ASH1L: variants seen among roughly 807,000 people sequenced by gnomAD.
ASH1L encodes the protein histone-lysine N-methyltransferase ASH1L.
In ASH1L, 23 loss-of-function variants were observed where a neutral mutation model predicts 269.0. The ratio of observed to expected loss-of-function variants is 0.09; its 90% CI spans 0.06 to 0.12. The LOEUF is 0.12. Among genes scored for constraint, ASH1L ranks in the 10% least tolerant of loss-of-function variants. The probability of loss-of-function intolerance (pLI) is 1.00; values close to 1 mark genes in which losing one functional copy is unlikely to be tolerated. For synonymous variants in ASH1L, 1,187 were observed against 1,253.5 expected, an observed-to-expected ratio of 0.95 and a Z score of 1.12; for missense variants, 2,912 against 3,567.8, an observed-to-expected ratio of 0.82 and a Z score of 4.68.
chr1:155,344,179 A>G lies in ASH1L; in HGVS notation c.7981+4T>C, dbSNP rs772416513. On this transcript the variant is annotated splice_donor_region_variant and intron_variant, in intron 22 of 27. Coordinates refer to ENST00000392403, the MANE Select transcript of ASH1L (RefSeq NM_018489.3). ...ACAAGTAGGATTAGCTCCTGTATAC[A>G]TACCCTGACGAAGCAGCAAGTCATC... 2 of 1,613,878 alleles carry G rather than the reference A, an allele frequency of 1.2e-6. No homozygotes were observed. Among genetic ancestry groups the G allele is most frequent in the Admixed American group, 1.7e-5 (1 of 60,016 alleles).
chr1:155,410,964 T>C (rs910396850), intron 6 of ASH1L, among the ~76,000 whole-genome samples: 13 of 152,230 alleles, frequency 8.5e-5, no homozygotes, highest in African/African-American at 4.8e-5. Context: ...AGTATACATT[T>C]GTCAAAACCC....
At chr1:155,546,577 G>A (rs1340377502) in intron 1 of ASH1L, among the ~76,000 whole-genome samples, 1 of 151,944 alleles carries the variant, frequency 6.6e-6, no homozygotes, top group South Asian at 2.1e-4. Flanking sequence ...TGGCCAACAC[G>A]GTGAAACCAG....
intron 5 of ASH1L, among the ~76,000 whole-genome samples, chr1:155,421,067 T>C (rs994888862): frequency 6.6e-6 from 1 of 150,986 alleles, no homozygotes; most frequent in South Asian, 2.1e-4. Context: ...TCAGACCCCA[T>C]CTTTGCAAAA....
chr1:155,523,658 G>A (rs1669038733), intron 1 of ASH1L, among the ~76,000 whole-genome samples: 1 of 152,154 alleles, frequency 6.6e-6, no homozygotes. Context: ...CATCACTTGA[G>A]GTCACCAGTT....
intron 4 of ASH1L, chr1:155,440,495 ATACT>A: frequency 1.1e-6 from 1 of 870,842 alleles, no homozygotes; most frequent in Non-Finnish European, 1.4e-6. Context: ...TTTACCTTTT[ATACT>A]TACTTTCCCA....
intron 25 of ASH1L, among the ~76,000 whole-genome samples, chr1:155,341,695 A>C (rs1290841820): frequency 6.6e-6 from 1 of 152,180 alleles, no homozygotes; most frequent in African/African-American, 2.4e-5. Context: ...GCAAAGGTTA[A>C]ACAGACGAAA....
At chr1:155,455,030 A>T (rs890812895) in intron 4 of ASH1L, among the ~76,000 whole-genome samples, 6 of 152,186 alleles carry the variant, frequency 3.9e-5, no homozygotes. Context: ...TCTGTGAAAC[A>T]CTATTGAAGG....
intron 3 of ASH1L, among the ~76,000 whole-genome samples, chr1:155,465,040 T>A (rs1212841824): frequency 4.6e-5 from 7 of 152,126 alleles, no homozygotes; most frequent in African/African-American, 1.7e-4. Flanking sequence ...GATTGACATT[T>A]CCACTGGAGG....
intron 10 of ASH1L, among the ~76,000 whole-genome samples, chr1:155,376,463 T>A (rs1656450863): frequency 6.6e-6 from 1 of 152,234 alleles, no homozygotes; most frequent in South Asian, 2.1e-4. Flanking sequence ...AAATTCTATA[T>A]CCACTCCTTT....
chr1:155,364,173 T>G (rs925502854), intron 12 of ASH1L, among the ~76,000 whole-genome samples: 1 of 152,082 alleles, frequency 6.6e-6, no homozygotes, highest in Non-Finnish European at 1.5e-5. Flanking sequence ...CATGCACCTG[T>G]GGTCCCAGCT....
intron 2 of ASH1L, among the ~76,000 whole-genome samples, chr1:155,495,406 T>C (rs1667078825): frequency 6.6e-6 from 1 of 152,156 alleles, no homozygotes; most frequent in Admixed American, 6.5e-5. Context: ...TACAGCGTGG[T>C]ACTGTACTGA....
chr1:155,372,187 T>G (rs995100889), intron 10 of ASH1L, among the ~76,000 whole-genome samples: 1 of 152,076 alleles, frequency 6.6e-6, no homozygotes, highest in African/African-American at 2.4e-5. Context: ...AGATGGGGTT[T>G]CACCATGTTG....
At position 155,433,095 on chromosome 1, in the gene ASH1L, G is replaced by A. The variant is rs148959537; in HGVS notation, c.5828+5232C>T. Reference sequence around the variant, plus strand: ...CTTCAATAATTAAACTGCTATGACAGAGATACCAAAATAGACTGATAGAAA... The same window carrying A: ...CTTCAATAATTAAACTGCTATGACAAAGATACCAAAATAGACTGATAGAAA... On this transcript the variant is annotated intron_variant, in intron 5 of 27. Coordinates refer to ENST00000392403, the MANE Select transcript of ASH1L (RefSeq NM_018489.3). 1,226 of 1,314,966 alleles carry A rather than the reference G, an allele frequency of 9.3e-4. 16 individuals are homozygous for A. In the East Asian group the frequency reaches 0.026, roughly 28 times the overall value. The allele number at this position is 1,314,966 out of a possible 1,614,324, so 81.5% of individuals were successfully genotyped here.
intron 8 of ASH1L, 40 bp downstream of exon 8, chr1:155,380,003 C>G (rs201056467): frequency 1.4e-6 from 2 of 1,450,120 alleles, no homozygotes; most frequent in East Asian, 4.5e-5. Flanking sequence ...TCCCCCTTTA[C>G]CACTTAAGAA....
rs566519358 is a variant in ASH1L at position 155,375,165 on chromosome 1, G to A, written c.6332+3116C>T. ...ATAACACATACTATAAACTGCATCCGGATTTAAAAAAACCCTGAAGTATAA... is the reference window on the plus strand; with the variant it reads ...ATAACACATACTATAAACTGCATCCAGATTTAAAAAAACCCTGAAGTATAA... On this transcript the variant is annotated intron_variant, in intron 10 of 27. Transcript: ENST00000392403. Among the ~76,000 whole-genome samples, 5 of 151,536 alleles carry A rather than the reference G, an allele frequency of 3.3e-5. No homozygotes were observed. In the South Asian group the frequency reaches 8.3e-4, roughly 25 times the overall value.
At chr1:155,496,288 G>C (rs890791358) in intron 2 of ASH1L, among the ~76,000 whole-genome samples, 17 of 152,152 alleles carry the variant, frequency 1.1e-4, no homozygotes, top group Admixed American at 3.3e-4. Context: ...TAGGTGACAG[G>C]AATTTTTCAG....
intron 12 of ASH1L, among the ~76,000 whole-genome samples, chr1:155,368,522 A>G (rs1043188890): frequency 6.6e-6 from 1 of 151,288 alleles, no homozygotes. Context: ...TAGTGGCACC[A>G]TCTTGGCTCA....
rs897421393 is a variant in ASH1L, at chr1:155,501,904, G to A, written c.420+19196C>T. ...TCTCGATCTATTGACCTCATGATCCGCCTGCCTCAACCTCCCAAAATGCTG... is the reference window on the plus strand; with the variant it reads ...TCTCGATCTATTGACCTCATGATCCACCTGCCTCAACCTCCCAAAATGCTG... On this transcript the variant is annotated intron_variant, in intron 2 of 27. Coordinates refer to ENST00000392403, the MANE Select transcript of ASH1L (RefSeq NM_018489.3). Among the ~76,000 whole-genome samples, 5 of 151,918 alleles carry A rather than the reference G, an allele frequency of 3.3e-5. No individual in the cohort carries two copies. In the South Asian group the frequency reaches 6.2e-4, roughly 19 times the overall value.
At chr1:155,436,791 G>A (rs1328818551) in intron 5 of ASH1L, among the ~76,000 whole-genome samples, 3 of 152,082 alleles carry the variant, frequency 2.0e-5, no homozygotes, top group Non-Finnish European at 2.9e-5. Context: ...CACCACGCCT[G>A]GCCAAGAGTT....
Sources: gnomAD v4.1 joint callset for allele counts (sites outside exome capture counted in the v4.1 genomes callset) on GRCh38, gnomAD v4.1.1 for gene constraint, MANE v1.5 for transcripts, NCBI Gene and HGNC (gene_info 2026-07-23, HGNC 2026-07-21) for gene names.